Variants in HERC1 observed in about 807,000 individuals in gnomAD.
HERC1 encodes HECT and RLD domain containing E3 ubiquitin protein ligase family member 1, also known as probable E3 ubiquitin-protein ligase HERC1.
Under a neutral mutation model 554.3 loss-of-function variants are expected in HERC1, and 160 were observed. That is an observed-to-expected ratio of 0.29 (90% CI 0.25 to 0.33). The LOEUF (loss-of-function observed/expected upper bound fraction) is 0.33. HERC1 is among the 10% of genes least tolerant of loss of function. The probability of loss-of-function intolerance (pLI) is 1.00; values close to 1 mark genes in which losing one functional copy is unlikely to be tolerated. For synonymous variants in HERC1, 2,175 were observed against 2,131.7 expected, an observed-to-expected ratio of 1.02 and a Z score of -0.56; for missense variants, 4,919 against 5,918.5, an observed-to-expected ratio of 0.83 and a Z score of 5.54.
chr15:63,666,185 G>A (rs2070625328), intron 41 of HERC1, 35 bp from the exon 42 acceptor site: 2 of 1,548,386 alleles, frequency 1.3e-6, no homozygotes, highest in Non-Finnish European at 1.8e-6. Flanking sequence ...TGCTGACTTT[G>A]GGCAAAGAAT....
At chr15:63,657,732 C>A (rs979807606) in intron 48 of HERC1, among the ~76,000 whole-genome samples, 1 of 152,104 alleles carries the variant, frequency 6.6e-6, no homozygotes, top group Non-Finnish European at 1.5e-5. Flanking sequence ...TTCTATGTTA[C>A]CTTCAATAAA....
Position 63,616,575 on chromosome 15 carries a change from T to A in HERC1, c.13796A>T (p.His4599Leu), listed in dbSNP as rs2067828728. 1 of 1,613,854 alleles carries A rather than the reference T, an allele frequency of 6.2e-7. No homozygotes were observed. Among genetic ancestry groups the A allele is most frequent in the Admixed American group, 1.7e-5 (1 of 59,996 alleles). ...CTGCTTCCACACCAGAGGGGCCAAG[T>A]GGAGGTCCAGAGGCTTCTTTGTGCG... ...AIRTKKPLDL[H>L]LAPLVWKQLC... Residue 4599 changes from histidine to leucine, a missense_variant, in exon 75 of 78, where the codon CAC becomes CTC. Around this residue, in one of 11 missense-constraint regions of HERC1, gnomAD observed 284 missense variants for 294.1 expected, o/e 0.97. Transcript: ENST00000443617.
intron 1 of HERC1, among the ~76,000 whole-genome samples, chr15:63,810,866 T>A (rs2077283641): frequency 1.3e-5 from 2 of 152,236 alleles, no homozygotes; most frequent in African/African-American, 4.8e-5. Flanking sequence ...GAGTGCCTCC[T>A]GAGGTGATTT....
At chr15:63,767,995 C>A (rs1004057566) in intron 2 of HERC1, among the ~76,000 whole-genome samples, 2 of 151,968 alleles carry the variant, frequency 1.3e-5, no homozygotes, top group African/African-American at 4.8e-5. Context: ...TCATAGTCTC[C>A]GTTATCGCCC....
chr15:63,615,246 G>T (rs1452755151), intron 76 of HERC1, among the ~76,000 whole-genome samples: 1 of 152,172 alleles, frequency 6.6e-6, no homozygotes, highest in Non-Finnish European at 1.5e-5. Flanking sequence ...GACCAATTCA[G>T]AACCGATTTA....
chr15:63,686,313 A>G (rs771445067), intron 34 of HERC1, 46 bp downstream of exon 34: 2 of 1,406,390 alleles, frequency 1.4e-6, no homozygotes, highest in Non-Finnish European at 1.9e-6. Context: ...TGGAAAAAAA[A>G]GGACTAAAAG....
Position 63,656,155 on chromosome 15 carries a change from G to A in HERC1, c.9803C>T (p.Thr3268Ile). 2 of 1,612,710 alleles carry A rather than the reference G, an allele frequency of 1.2e-6. No homozygotes were observed. Among genetic ancestry groups the A allele is most frequent in the Non-Finnish European group, 8.5e-7 (1 of 1,179,328 alleles). Residue 3268 changes from threonine (T) to isoleucine (I), a missense_variant, in exon 49 of 78, where the codon ACA (threonine) becomes ATA (isoleucine). Thr to Ile is a moderately conservative substitution (Grantham distance 89, BLOSUM62 -1). This residue lies in a region of HERC1 where 1,963 missense variants were observed against 2,228.6 expected (regional missense o/e 0.88). Coordinates refer to ENST00000443617, the MANE Select transcript of HERC1 (RefSeq NM_003922.4). ...ATTTGATGCCAGACATCCCACTGCT[G>A]TGCTCAAATAGGCCAGGCAAGAGAT... ...KPISCLAYLS[T>I]AVGCLASNAP...
intron 1 of HERC1, among the ~76,000 whole-genome samples, chr15:63,792,978 G>A (rs2076696605): frequency 6.6e-6 from 1 of 152,156 alleles, no homozygotes; most frequent in Non-Finnish European, 1.5e-5. Context: ...CAGAACTCAG[G>A]GAAACACTTA....
chr15:63,745,721 G>A (rs1302701652), intron 12 of HERC1, among the ~76,000 whole-genome samples: 2 of 152,136 alleles, frequency 1.3e-5, no homozygotes, highest in African/African-American at 4.8e-5. Context: ...TACTGTAAGT[G>A]CTCACCTGAT....
intron 12 of HERC1, among the ~76,000 whole-genome samples, chr15:63,738,232 T>C (rs1160383353): frequency 6.6e-6 from 1 of 152,058 alleles, no homozygotes; most frequent in Non-Finnish European, 1.5e-5. Context: ...TAAATAATAC[T>C]CATGAAATGT....
chr15:63,650,705 A>G (rs2069631047), intron 53 of HERC1, among the ~76,000 whole-genome samples: 1 of 152,244 alleles, frequency 6.6e-6, no homozygotes, highest in African/African-American at 2.4e-5. Flanking sequence ...ACTGATAACC[A>G]AATTGGCATA....
At position 63,659,824 on chromosome 15, in the gene HERC1, T is replaced by A; in HGVS notation, c.9336A>T (p.Pro3112=). 6.2e-7 allele frequency: 1 copy of A among 1,613,974 alleles called. No homozygotes were observed. The highest frequency in any genetic ancestry group is 1.3e-5 in the African/African-American group (1 of 75,038). ...GLNDRRIVPE[P]VQFPDSDPLG... ...GTGGATCGCTGTCAGGGAACTGAAC[T>A]GGTTCTGGTACAATGCGCCGGTCAT... Residue 3112 remains proline, a synonymous_variant, in exon 47 of 78, where the codon CCA becomes CCT. Transcript: ENST00000443617.
intron 40 of HERC1, 79 bp from the exon 41 acceptor site, chr15:63,666,551 T>C (rs903214034): frequency 1.1e-6 from 1 of 883,818 alleles, no homozygotes; most frequent in Admixed American, 2.4e-5. Context: ...AGTCCTCAAT[T>C]TCCTAGTATT....
At chr15:63,693,580 G>A (rs1272251283) in intron 30 of HERC1, among the ~76,000 whole-genome samples, 1 of 143,196 alleles carries the variant, frequency 7.0e-6, no homozygotes, top group Admixed American at 6.9e-5. Context: ...GGTTAGAGAT[G>A]GCTTGTCAGG....
chr15:63,757,689 T>C (rs1184505974), intron 4 of HERC1, among the ~76,000 whole-genome samples: 1 of 152,162 alleles, frequency 6.6e-6, no homozygotes, highest in African/African-American at 2.4e-5. Context: ...CTGTCAGGGA[T>C]ACTGGGGACT....
intron 1 of HERC1, among the ~76,000 whole-genome samples, chr15:63,829,409 T>A (rs1263688869): frequency 1.4e-5 from 2 of 148,034 alleles, no homozygotes; most frequent in East Asian, 3.9e-4. Flanking sequence ...GGTGACAGAG[T>A]GAGGCCCTGT....
intron 1 of HERC1, among the ~76,000 whole-genome samples, chr15:63,783,931 T>C (rs2076361549): frequency 6.6e-6 from 1 of 151,952 alleles, no homozygotes; most frequent in South Asian, 2.1e-4. Flanking sequence ...CTGGGCATGG[T>C]AGTGGGCGCC....
chr15:63,680,814 A>G lies in HERC1; in HGVS notation c.6226-38T>C, dbSNP rs1167944219. 2 of 1,412,456 alleles carry G rather than the reference A, an allele frequency of 1.4e-6. No homozygotes were observed. Among genetic ancestry groups the G allele is most frequent in the Non-Finnish European group, 2.0e-6 (2 of 998,442 alleles). The allele number at this position is 1,412,456 out of a possible 1,614,324, so 87.5% of individuals were successfully genotyped here. ...TGGGATATTCATTAATACTCAAAAA[A>G]TCTATTTATATACTATTAACTGCAT... On this transcript the variant is annotated intron_variant, in intron 34 of 77. Coordinates refer to ENST00000443617, the MANE Select transcript of HERC1 (RefSeq NM_003922.4). The surrounding 1 kb of genome is among the most constrained non-coding windows in gnomAD (Gnocchi z 5.8).
chr15:63,627,675 A>G (rs991545472), intron 70 of HERC1, among the ~76,000 whole-genome samples: 10 of 131,724 alleles, frequency 7.6e-5, no homozygotes, highest in Admixed American at 2.2e-4. Flanking sequence ...CTCTGTCTCG[A>G]AAAAAAAAAA....
Sources: gnomAD v4.1 joint callset for allele counts (sites outside exome capture counted in the v4.1 genomes callset) on GRCh38, gnomAD v4.1.1 for gene constraint, gnomAD v4.1.1 regional missense constraint, Gnocchi (gnomAD v3.1) non-coding constraint, MANE v1.5 for transcripts, NCBI Gene and HGNC (gene_info 2026-07-23, HGNC 2026-07-21) for gene names.